Variants in SOHLH2 observed in about 807,000 individuals in gnomAD.
SOHLH2 encodes the protein spermatogenesis- and oogenesis-specific basic helix-loop-helix-containing protein 2.
Under a neutral mutation model 50.4 loss-of-function variants are expected in SOHLH2, and 22 were observed. The ratio of observed to expected loss-of-function variants is 0.44; its 90% confidence interval spans 0.31 to 0.62. The LOEUF (loss-of-function observed/expected upper bound fraction) is 0.62, where lower values mean the gene tolerates loss of function less well. SOHLH2 is among the 20% of genes least tolerant of loss of function. SOHLH2 has a pLI of 0.08. For synonymous variants in SOHLH2, 185 were observed against 187.3 expected, an observed-to-expected ratio of 0.99 and a Z score of 0.10; for missense variants, 412 against 504.4, an observed-to-expected ratio of 0.82 and a Z score of 1.76.
chr13:36,174,613 A>C, intron 7 of SOHLH2, 46 bp from the exon 8 acceptor site: 1 of 1,611,446 alleles, frequency 6.2e-7, no homozygotes, highest in Non-Finnish European at 8.5e-7. Context: ...ACATTTTTAC[A>C]TAGATACAAA....
In SOHLH2 at chr13:36,184,460, C is replaced by CTTTTTTTTTTTTTTTTTTTTTTTTTTTTT. The variant is rs1229884029; in HGVS notation, c.641+5485_641+5486insAAAAAAAAAAAAAAAAAAAAAAAAAAAAA. Among the ~76,000 whole-genome samples the CTTTTTTTTTTTTTTTTTTTTTTTTTTTTT allele has an allele frequency of 7.8e-4, 95 of 121,112 alleles. 6 individuals are homozygous for CTTTTTTTTTTTTTTTTTTTTTTTTTTTTT. The highest frequency in any genetic ancestry group is 1.0e-3 in the Non-Finnish European group (58 of 56,686). The allele number at this position is 121,112 out of a possible 152,430, so 79.5% of individuals were successfully genotyped here. A position where few individuals can be genotyped will look rare whatever the true frequency, so the allele number is the denominator to read the frequency against. On this transcript the variant is annotated intron_variant, in intron 6 of 10. Coordinates refer to ENST00000379881, the MANE Select transcript of SOHLH2 (RefSeq NM_017826.3). ...GATGGAAGTTTCTACCTACAAAGAC[C>CTTTTTTTTTTTTTTTTTTTTTTTTTTTTT]TTTTTTTTTTTTTTTTTTTGAGACG... is the stretch of plus-strand genomic sequence containing the variant.
At chr13:36,188,769 A>G (rs1031910538) in intron 6 of SOHLH2, among the ~76,000 whole-genome samples, 1 of 152,002 alleles carries the variant, frequency 6.6e-6, no homozygotes, top group African/African-American at 2.4e-5. Flanking sequence ...AAATACTGAG[A>G]ATCTTTCTAA....
At chr13:36,170,411 A>T in intron 10 of SOHLH2, 120 bp downstream of exon 10, 1 of 1,442,384 alleles carries the variant, frequency 6.9e-7, no homozygotes, top group East Asian at 2.5e-5. Flanking sequence ...AGAGAGACTC[A>T]GAATCAAGCT....
intron 4 of SOHLH2, 58 bp downstream of exon 4, chr13:36,193,563 G>A (rs1887638069): frequency 1.3e-6 from 2 of 1,516,156 alleles, no homozygotes; most frequent in East Asian, 2.3e-5. Flanking sequence ...GAATATATGA[G>A]CAGAGTTTTC....
chr13:36,195,048 AACAG>A (rs1476024948), intron 2 of SOHLH2, among the ~76,000 whole-genome samples: 4 of 152,172 alleles, frequency 2.6e-5, no homozygotes, highest in Admixed American at 2.6e-4. Flanking sequence ...TATCATGGTA[AACAG>A]ACAGACAAGG....
chr13:36,204,256 A>G (rs1322966449), intron 1 of SOHLH2, among the ~76,000 whole-genome samples: 2 of 152,018 alleles, frequency 1.3e-5, no homozygotes, highest in Admixed American at 6.6e-5. Context: ...CAGCCCTTTA[A>G]TTCTGATTAT....
At position 36,193,409 on chromosome 13, in the gene SOHLH2, C is replaced by A. The variant is rs184585951; in HGVS notation, c.430+212G>T. Among the ~76,000 whole-genome samples the A allele has an allele frequency of 9.5e-4, 144 of 151,272 alleles. 1 individual carries two copies. Among genetic ancestry groups the A allele is most frequent in the African/African-American group, 3.4e-3 (137 of 40,600 alleles). The stretch of plus-strand genomic sequence containing the variant: ...AAACAGTAACACAATGCTGCTTCAA[C>A]CCCCCACCCAAAACCCTGTGCCTAC... On this transcript the variant is annotated intron_variant, in intron 4 of 10. Transcript: ENST00000379881.
chr13:36,193,487 G>C, intron 4 of SOHLH2, 134 bp downstream of exon 4: 4 of 1,077,768 alleles, frequency 3.7e-6, no homozygotes, highest in Non-Finnish European at 5.1e-6. Flanking sequence ...TGAAGATGTA[G>C]TTTTTTTCTT....
At chr13:36,202,382 T>G (rs2138319787) in intron 1 of SOHLH2, among the ~76,000 whole-genome samples, 1 of 152,352 alleles carries the variant, frequency 6.6e-6, no homozygotes, top group Non-Finnish European at 1.5e-5. Flanking sequence ...TCTCTCATCC[T>G]ATTAAATGAT....
At chr13:36,169,864 C>G (rs1886914746) in intron 10 of SOHLH2, among the ~76,000 whole-genome samples, 1 of 152,188 alleles carries the variant, frequency 6.6e-6, no homozygotes, top group African/African-American at 2.4e-5. Context: ...ACTAACCTTG[C>G]CCACATCTAG....
intron 1 of SOHLH2, among the ~76,000 whole-genome samples, chr13:36,204,594 G>A (rs1039890336): frequency 2.0e-5 from 3 of 152,100 alleles, no homozygotes; most frequent in Admixed American, 2.0e-4. Flanking sequence ...CCAGGTAGGG[G>A]TGTGTGGGGG....
At chr13:36,192,332 G>C (rs767270363) in intron 4 of SOHLH2, among the ~76,000 whole-genome samples, 1 of 152,138 alleles carries the variant, frequency 6.6e-6, no homozygotes, top group East Asian at 1.9e-4. Flanking sequence ...GAGACAACTG[G>C]AAGCAGACAT....
intron 6 of SOHLH2, chr13:36,182,114 A>G (rs1387141030): frequency 1.0e-6 from 1 of 985,316 alleles, no homozygotes; most frequent in East Asian, 1.1e-4. Context: ...AGAGGCAAGA[A>G]AAAAGTGTCC....
At chr13:36,212,504 T>C (rs190185870) in intron 1 of SOHLH2, among the ~76,000 whole-genome samples, 1 of 152,342 alleles carries the variant, frequency 6.6e-6, no homozygotes. Context: ...AAAAAAGATC[T>C]ATTGACAAAA....
At position 36,168,895 on chromosome 13, in the gene SOHLH2, T is replaced by G. The variant is rs908073265; in HGVS notation, c.*139A>C. The G allele has an allele frequency of 2.8e-6, 4 of 1,404,822 alleles. No individual in the cohort carries two copies. The highest frequency in any genetic ancestry group is 1.5e-5 in the African/African-American group (1 of 68,122). The allele number at this position is 1,404,822 out of a possible 1,614,324, so 87.0% of individuals were successfully genotyped here. A position where few individuals can be genotyped will look rare whatever the true frequency, so the allele number is the denominator to read the frequency against. On this transcript the variant is annotated 3_prime_UTR_variant, in exon 11 of 11. Transcript: ENST00000379881. Reference sequence around the variant, plus strand: ...TCTGCAGAAGCTTTGAGTGCATTTATCAGAAGCCAAACCATGCCAACTCTT... The same window carrying G: ...TCTGCAGAAGCTTTGAGTGCATTTAGCAGAAGCCAAACCATGCCAACTCTT...
chr13:36,174,338 G>A lies in SOHLH2; in HGVS notation c.881+138C>T, dbSNP rs574030673. Reference sequence around the variant, plus strand: ...TCACTGCAACGAAATGATACACATCGGCAATTAGAAAAGTTCGCTGACCCT... The same window carrying A: ...TCACTGCAACGAAATGATACACATCAGCAATTAGAAAAGTTCGCTGACCCT... On this transcript the variant is annotated intron_variant, in intron 8 of 10. Transcript: ENST00000379881. 20 of 1,017,066 alleles carry A rather than the reference G, an allele frequency of 2.0e-5. No individual in the cohort carries two copies. In the African/African-American group the frequency reaches 2.1e-4, roughly 11 times the overall value. 63.0% of individuals were successfully genotyped at this position (1,017,066 alleles called of 1,614,324 possible). A position where few individuals can be genotyped will look rare whatever the true frequency, so the allele number is the denominator to read the frequency against.
chr13:36,206,914 G>A (rs925505810), intron 1 of SOHLH2, among the ~76,000 whole-genome samples: 6 of 151,046 alleles, frequency 4.0e-5, no homozygotes, highest in African/African-American at 1.2e-4. Flanking sequence ...TGTTTACATA[G>A]TATGTTATTA....
intron 2 of SOHLH2, among the ~76,000 whole-genome samples, chr13:36,194,413 C>CA: frequency 6.6e-6 from 1 of 152,212 alleles, no homozygotes; most frequent in East Asian, 1.9e-4. Flanking sequence ...TCTGAGTCCT[C>CA]ACCTTAGAGA....
chr13:36,204,676 T>C (rs1358378220), intron 1 of SOHLH2, among the ~76,000 whole-genome samples: 2 of 152,164 alleles, frequency 1.3e-5, no homozygotes, highest in African/African-American at 4.8e-5. Flanking sequence ...ACCACACTGC[T>C]TAATTACTAG....
Sources: allele counts gnomAD v4.1 joint callset (sites outside exome capture counted in the v4.1 genomes callset), GRCh38; gene constraint gnomAD v4.1.1; transcripts MANE v1.5; gene names NCBI Gene and HGNC (gene_info 2026-07-23, HGNC 2026-07-21).